The following ULK4 variants were observed in gnomAD, a reference collection of about 807,000 sequenced individuals.
The protein encoded by ULK4 is inactive serine/threonine-protein kinase ULK4.
Under a neutral mutation model 160.6 loss-of-function variants are expected in ULK4, and 133 were observed. That is an observed-to-expected ratio of 0.83 (90% CI 0.72 to 0.96). The LOEUF (loss-of-function observed/expected upper bound fraction) is 0.96, where lower values mean the gene tolerates loss of function less well. Ranked by LOEUF, ULK4 falls within the 40% of genes least tolerant of loss-of-function variation. The probability of loss-of-function intolerance (pLI) is 0.00; values close to 1 mark genes in which losing one functional copy is unlikely to be tolerated. For synonymous variants in ULK4, 534 were observed against 539.8 expected, an observed-to-expected ratio of 0.99 and a Z score of 0.15; for missense variants, 1,580 against 1,499.5, an observed-to-expected ratio of 1.05 and a Z score of -0.89.
Position 41,566,077 on chromosome 3 carries a change from G to A in ULK4, c.3174C>T (p.Leu1058=). ...GNTMQSVIAL[L]SNLVACKDSN... ...AATCTTTGCAGGCAACTAGATTGCT[G>A]AGTAATGCAATCACACTTTGCATGG... The change falls in exon 32 of 37, where the codon CTC becomes CTT. Residue 1058 remains leucine, a synonymous_variant. Coordinates refer to ENST00000301831, the MANE Select transcript of ULK4 (RefSeq NM_017886.4). The A allele has an allele frequency of 6.2e-7, 1 of 1,613,760 alleles. No homozygotes were observed. Among genetic ancestry groups the A allele is most frequent in the Middle Eastern group, 1.6e-4 (1 of 6,062 alleles).
At chr3:41,754,699 T>C (rs753520189) in intron 21 of ULK4, among the ~76,000 whole-genome samples, 7 of 152,180 alleles carry the variant, frequency 4.6e-5, no homozygotes, top group African/African-American at 7.2e-5. Flanking sequence ...AAGTTGACAA[T>C]GTTGTCCCCG....
intron 2 of ULK4, among the ~76,000 whole-genome samples, chr3:41,941,357 CT>C (rs574203394): frequency 9.2e-5 from 8 of 86,984 alleles, no homozygotes; most frequent in Non-Finnish European, 1.4e-4. Flanking sequence ...AAAAAAAAAC[CT>C]TTTTTTTTAA....
At chr3:41,355,771 T>C (rs543396225) in intron 35 of ULK4, among the ~76,000 whole-genome samples, 29 of 152,346 alleles carry the variant, frequency 1.9e-4, no homozygotes, top group African/African-American at 6.5e-4. Context: ...AAATTTATAA[T>C]GATTTCATAT....
chr3:41,769,399 A>G (rs1359554495), intron 21 of ULK4, among the ~76,000 whole-genome samples: 3 of 152,240 alleles, frequency 2.0e-5, no homozygotes, highest in African/African-American at 7.2e-5. Context: ...ATGAATAATC[A>G]AAACTGACTT....
intron 17 of ULK4, among the ~76,000 whole-genome samples, chr3:41,879,994 C>A (rs1697453350): frequency 6.6e-6 from 1 of 152,052 alleles, no homozygotes. Flanking sequence ...GTAGTGCATG[C>A]CTGTAATCCC....
chr3:41,549,984 C>A (rs2125963932), intron 32 of ULK4, among the ~76,000 whole-genome samples: 1 of 152,026 alleles, frequency 6.6e-6, no homozygotes, highest in East Asian at 1.9e-4. Flanking sequence ...AAATGTAAGA[C>A]AAATAAAATC....
chr3:41,528,405 G>A (rs897915195), intron 32 of ULK4, among the ~76,000 whole-genome samples: 24 of 152,096 alleles, frequency 1.6e-4, no homozygotes, highest in Non-Finnish European at 3.1e-4. Flanking sequence ...TATATATAAG[G>A]AATTCATTTT....
In ULK4 at chr3:41,958,364, T is replaced by G. The variant is rs574894215; in HGVS notation, c.-48-3557A>C. Among the ~76,000 whole-genome samples, 31 of 152,326 alleles carry G rather than the reference T, an allele frequency of 2.0e-4. No individual in the cohort carries two copies. In the South Asian group the frequency reaches 6.4e-3, roughly 32 times the overall value. On this transcript the variant is annotated intron_variant, in intron 1 of 36. Transcript: ENST00000301831. The stretch of plus-strand genomic sequence containing the variant: ...AAGATGGTAAATTTTATGTGTATTT[T>G]ACAATTAAAAATTTTTTAAGACTTC...
rs1392092865 is a variant in ULK4, at chr3:41,385,211, G to A, written c.3678+12868C>T. Among the ~76,000 whole-genome samples, 4 of 152,202 alleles carry A rather than the reference G, an allele frequency of 2.6e-5. No individual in the cohort carries two copies. The South Asian group carries it at 6.2e-4, about 24-fold the overall frequency. ...ACATACAACAGAAATATGGTAAAACGATAATTCTTGATTACACAGGTGCCC... is the reference window on the plus strand; with the variant it reads ...ACATACAACAGAAATATGGTAAAACAATAATTCTTGATTACACAGGTGCCC... On this transcript the variant is annotated intron_variant, in intron 35 of 36. Transcript: ENST00000301831.
At chr3:41,533,840 C>T (rs2086402255) in intron 32 of ULK4, among the ~76,000 whole-genome samples, 1 of 152,210 alleles carries the variant, frequency 6.6e-6, no homozygotes, top group African/African-American at 2.4e-5. Context: ...TGGAGTCTCG[C>T]TCTTTCGCCC....
At chr3:41,540,302 C>CT (rs1243488842) in intron 32 of ULK4, among the ~76,000 whole-genome samples, 17 of 152,072 alleles carry the variant, frequency 1.1e-4, no homozygotes, top group Admixed American at 9.2e-4. Context: ...GGTTTCTGTT[C>CT]TTGTGATAGT....
Position 41,465,848 on chromosome 3 carries a change from G to C in ULK4, c.3227-2595C>G, listed in dbSNP as rs73828051. Among the ~76,000 whole-genome samples, 378 of 152,184 alleles carry C rather than the reference G, an allele frequency of 2.5e-3. 1 individual carries two copies. Among genetic ancestry groups the C allele is most frequent in the African/African-American group, 8.7e-3 (362 of 41,538 alleles). ...GATTCAAGGGTTGTTATTTTGAAAA[G>C]GAAAAGCAAGATAAATGTTTATTCT... On this transcript the variant is annotated intron_variant, in intron 32 of 36. Transcript: ENST00000301831.
intron 19 of ULK4, among the ~76,000 whole-genome samples, chr3:41,811,880 T>G (rs540491132): frequency 6.6e-6 from 1 of 152,190 alleles, no homozygotes; most frequent in Non-Finnish European, 1.5e-5. Flanking sequence ...CTGTAATGAA[T>G]GTATTAAAGT....
intron 31 of ULK4, 70 bp downstream of exon 31, chr3:41,615,599 T>C (rs1390514233): frequency 3.3e-6 from 5 of 1,513,870 alleles, no homozygotes; most frequent in Admixed American, 3.7e-5. Context: ...AACACAGTCC[T>C]ACAACATGGT....
intron 21 of ULK4, among the ~76,000 whole-genome samples, chr3:41,787,224 G>A (rs2040022661): frequency 6.6e-6 from 1 of 152,092 alleles, no homozygotes; most frequent in Non-Finnish European, 1.5e-5. Flanking sequence ...AAAAGACCAA[G>A]CAGAGAGCTG....
chr3:41,773,808 C>A (rs1472216156), intron 21 of ULK4, among the ~76,000 whole-genome samples: 1 of 152,130 alleles, frequency 6.6e-6, no homozygotes, highest in Non-Finnish European at 1.5e-5. Context: ...ATCACGCTAC[C>A]TGACTTCAAA....
At chr3:41,361,706 C>A (rs1204726762) in intron 35 of ULK4, among the ~76,000 whole-genome samples, 1 of 152,038 alleles carries the variant, frequency 6.6e-6, no homozygotes, top group African/African-American at 2.4e-5. Context: ...TTGTTTTCTG[C>A]ACATTTTTGC....
rs746188808 is a variant in ULK4 at position 41,658,163 on chromosome 3, G to A, written c.3071+5444C>T. Among the ~76,000 whole-genome samples the A allele has an allele frequency of 5.3e-5, 8 of 152,308 alleles. No homozygotes were observed. The East Asian group carries it at 1.4e-3, about 26-fold the overall frequency. ...AAAGGTTTTGAATTAATAGGCACTT[G>A]TACACAGATGGTGGACAGAAAACTG... is the stretch of plus-strand genomic sequence containing the variant. On this transcript the variant is annotated intron_variant, in intron 30 of 36. Transcript: ENST00000301831.
chr3:41,795,237 A>G (rs2040269116), intron 20 of ULK4, among the ~76,000 whole-genome samples: 1 of 152,178 alleles, frequency 6.6e-6, no homozygotes, highest in Non-Finnish European at 1.5e-5. Flanking sequence ...ATAAATCCTC[A>G]TGTAAATCTA....
Sources: gnomAD v4.1 joint callset for allele counts (sites outside exome capture counted in the v4.1 genomes callset) on GRCh38, gnomAD v4.1.1 for gene constraint, MANE v1.5 for transcripts, NCBI Gene and HGNC (gene_info 2026-07-23, HGNC 2026-07-21) for gene names.